Variants in PFKFB4 observed in about 807,000 individuals in gnomAD.
PFKFB4 encodes the protein 6-phosphofructo-2-kinase/fructose-2,6-bisphosphatase 4.
Under a neutral mutation model 62.8 loss-of-function variants are expected in PFKFB4, and 42 were observed. The observed-to-expected ratio is 0.67, with a 90% CI of 0.52 to 0.86. The LOEUF (loss-of-function observed/expected upper bound fraction) is 0.86. Among genes scored for constraint, PFKFB4 ranks in the 40% least tolerant of loss-of-function variants. The pLI is 0.00. For synonymous variants in PFKFB4, 204 were observed against 240.7 expected, an observed-to-expected ratio of 0.85 and a Z score of 1.41; for missense variants, 475 against 627.2, an observed-to-expected ratio of 0.76 and a Z score of 2.59.
upstream of PFKFB4, chr3:48,562,837 C>G (rs368657396): frequency 9.4e-5 from 148 of 1,580,770 alleles, 1 homozygote; most frequent in South Asian, 1.6e-3. This position sits in a 1 kb window ranked among gnomAD's most constrained non-coding sequence, Gnocchi z 4.3. Context: ...TGGCCTGCTC[C>G]CTGGCAGCCC....
At chr3:48,562,946 C>T (rs2043459304), upstream of PFKFB4, 2 of 1,605,266 alleles carry the variant, frequency 1.2e-6, no homozygotes, top group Middle Eastern at 1.7e-4. This position sits in a 1 kb window ranked among gnomAD's most constrained non-coding sequence, Gnocchi z 4.3. Flanking sequence ...GCTGCAGTGG[C>T]TCTGGGCAGC....
At chr3:48,520,620 G>A (rs2042068684) in intron 13 of PFKFB4, among the ~76,000 whole-genome samples, 1 of 152,226 alleles carries the variant, frequency 6.6e-6, no homozygotes, top group Non-Finnish European at 1.5e-5. Context: ...CCCTGGAATT[G>A]TAGGGGCAGG....
At position 48,539,288 on chromosome 3, in the gene PFKFB4, C is replaced by T; in HGVS notation, c.476G>A (p.Cys159Tyr). 6.2e-7 allele frequency: 1 copy of T among 1,614,068 alleles called. No homozygotes were observed. Among genetic ancestry groups the T allele is most frequent in the Non-Finnish European group, 8.5e-7 (1 of 1,179,944 alleles). ...GGCAGCTATGACCTCAGGATCCACA[C>T]AGATGGACTCGACAAAAAAGGTCTG... The part of the protein sequence containing the change: ...GYKTFFVESI[C>Y]VDPEVIAANI... The change falls in exon 6 of 14, where the codon TGT becomes TAT. Residue 159 changes from cysteine (C) to tyrosine (Y), a missense_variant. Cys to Tyr is a radical substitution (Grantham distance 194). Coordinates refer to ENST00000232375, the MANE Select transcript of PFKFB4 (RefSeq NM_004567.4).
upstream of PFKFB4, among the ~76,000 whole-genome samples, chr3:48,560,586 C>T (rs548590672): frequency 2.0e-5 from 3 of 152,352 alleles, no homozygotes; most frequent in Admixed American, 2.0e-4. Context: ...CATGACCAAA[C>T]TGAGTACACA....
chr3:48,560,567 A>T (rs1217740420), upstream of PFKFB4, among the ~76,000 whole-genome samples: 1 of 152,238 alleles, frequency 6.6e-6, no homozygotes, highest in Non-Finnish European at 1.5e-5. Context: ...GAAAGGGTTC[A>T]GAGAGGTTCA....
chr3:48,560,878 C>T (rs554350799), upstream of PFKFB4, among the ~76,000 whole-genome samples: 201 of 152,104 alleles, frequency 1.3e-3, 2 homozygotes, highest in South Asian at 0.017. Context: ...GCCCCCTCTC[C>T]CTTGCAGGGC....
intron 3 of PFKFB4, among the ~76,000 whole-genome samples, chr3:48,544,140 T>C (rs1310148387): frequency 6.6e-6 from 1 of 151,854 alleles, no homozygotes; most frequent in Non-Finnish European, 1.5e-5. Context: ...GCCTACTGAG[T>C]AGCTGGGATT....
upstream of PFKFB4, chr3:48,556,841 C>A (rs1031140093): frequency 1.9e-5 from 28 of 1,500,324 alleles, no homozygotes; most frequent in African/African-American, 2.9e-5. This position sits in a 1 kb window ranked among gnomAD's most constrained non-coding sequence, Gnocchi z 5.7. Context: ...CCTCGGGCCA[C>A]CCGAGGTCCC....
chr3:48,523,934 T>A, intron 10 of PFKFB4, 104 bp from the exon 11 acceptor site: 1 of 1,304,122 alleles, frequency 7.7e-7, no homozygotes, highest in Non-Finnish European at 1.1e-6. Flanking sequence ...TACTCACCAT[T>A]CTGGGAAGCT....
chr3:48,520,294 C>T (rs2042058022), intron 13 of PFKFB4, among the ~76,000 whole-genome samples: 2 of 152,184 alleles, frequency 1.3e-5, no homozygotes, highest in African/African-American at 2.4e-5. Context: ...AACTGGGGTA[C>T]AGGGCCTCCT....
At chr3:48,554,282 A>G (rs533641421) in intron 1 of PFKFB4, among the ~76,000 whole-genome samples, 2 of 152,282 alleles carry the variant, frequency 1.3e-5, no homozygotes, top group Non-Finnish European at 1.5e-5. Flanking sequence ...CAAGTCTACT[A>G]TGCAAAGGGT....
intron 1 of PFKFB4, among the ~76,000 whole-genome samples, chr3:48,551,219 T>C (rs1012761273): frequency 1.0e-4 from 15 of 150,040 alleles, no homozygotes; most frequent in South Asian, 6.3e-4. Flanking sequence ...CTTTTCTTTT[T>C]TTTTTTTTTT....
intron 1 of PFKFB4, among the ~76,000 whole-genome samples, chr3:48,554,407 CA>C (rs745897467): frequency 2.6e-5 from 4 of 152,220 alleles, no homozygotes; most frequent in Non-Finnish European, 5.9e-5. Context: ...AATCCCCAAA[CA>C]ACCTGCAGGT....
chr3:48,556,333 C>CG lies in PFKFB4; in HGVS notation c.97+347_97+348insC. The stretch of plus-strand genomic sequence containing the variant: ...CCTTGGCCAGGAGAGAGGGAAGGGC[C>CG]TGGGGTGCCCACAGGGTCCTCCCCA... On this transcript the variant is annotated intron_variant, in intron 1 of 13. Transcript: ENST00000232375. The surrounding 1 kb of genome is among the most constrained non-coding windows in gnomAD (Gnocchi z 5.7). The CG allele has an allele frequency of 1.9e-6, 1 of 520,928 alleles. No homozygotes were observed. Among genetic ancestry groups the CG allele is most frequent in the Non-Finnish European group, 3.7e-6 (1 of 272,502 alleles). The allele number at this position is 520,928 out of a possible 1,614,324, so 32.3% of individuals were successfully genotyped here.
chr3:48,539,876 A>T, intron 4 of PFKFB4, 105 bp from the exon 5 acceptor site: 1 of 877,840 alleles, frequency 1.1e-6, no homozygotes, highest in Non-Finnish European at 1.9e-6. Flanking sequence ...CTCTCTGGGG[A>T]CTGGATTTCT....
At position 48,556,276 on chromosome 3, in the gene PFKFB4, C is replaced by T. The variant is rs766321677; in HGVS notation, c.97+405G>A. On this transcript the variant is annotated intron_variant, in intron 1 of 13. Coordinates refer to ENST00000232375, the MANE Select transcript of PFKFB4 (RefSeq NM_004567.4). The surrounding 1 kb of genome is among the most constrained non-coding windows in gnomAD (Gnocchi z 5.7). The stretch of plus-strand genomic sequence containing the variant: ...AAGTAATTCACCTAGGGCCACACAG[C>T]TCAGTTCCAGTCCAACAACCCGGCC... 3.5e-5 allele frequency: 17 copies of T among 485,010 alleles called. No individual in the cohort carries two copies. Among genetic ancestry groups the T allele is most frequent in the African/African-American group, 2.7e-4 (14 of 51,294 alleles). 30.0% of individuals were successfully genotyped at this position (485,010 alleles called of 1,614,324 possible).
chr3:48,550,078 C>T, intron 2 of PFKFB4, 40 bp downstream of exon 2: 2 of 1,493,692 alleles, frequency 1.3e-6, no homozygotes, highest in Non-Finnish European at 1.9e-6. Context: ...TTCGTCATGC[C>T]CCACAAAGCT....
intron 9 of PFKFB4, among the ~76,000 whole-genome samples, chr3:48,534,530 G>C (rs2042528873): frequency 6.6e-6 from 1 of 152,106 alleles, no homozygotes; most frequent in African/African-American, 2.4e-5. Context: ...GATTAGCCTG[G>C]CATGGTGGCA....
At chr3:48,546,234 G>A (rs1474626697) in intron 3 of PFKFB4, among the ~76,000 whole-genome samples, 2 of 152,146 alleles carry the variant, frequency 1.3e-5, no homozygotes, top group Non-Finnish European at 2.9e-5. Context: ...GACTAAATGG[G>A]CACAGGTATG....
Sources: allele counts gnomAD v4.1 joint callset (sites outside exome capture counted in the v4.1 genomes callset), GRCh38; gene constraint gnomAD v4.1.1; non-coding constraint Gnocchi (gnomAD v3.1); transcripts MANE v1.5; gene names NCBI Gene and HGNC (gene_info 2026-07-23, HGNC 2026-07-21).